Variants in EP300 observed in about 807,000 individuals in gnomAD.
EP300 encodes the protein EP300 lysine acetyltransferase.
A neutral mutation model predicts 264.0 loss-of-function variants in EP300; 31 were observed. That is an observed-to-expected ratio of 0.12 (90% CI 0.09 to 0.16). The LOEUF (loss-of-function observed/expected upper bound fraction) is 0.16. Ranked by LOEUF, EP300 falls within the 10% of genes least tolerant of loss-of-function variation. The probability of loss-of-function intolerance (pLI) is 1.00; values close to 1 mark genes in which losing one functional copy is unlikely to be tolerated. For missense variants in EP300, 2,766 were observed against 3,052.9 expected (o/e 0.91, Z 2.21); for synonymous variants, 1,340 against 1,045.4 (o/e 1.28, Z -5.44).
chr22:41,164,025 A>C (rs758922917), intron 21 of EP300, 28 bp from the exon 22 acceptor site: 1 of 1,609,582 alleles, frequency 6.2e-7, no homozygotes, highest in Non-Finnish European at 8.5e-7. Flanking sequence ...GTTTGGGGTT[A>C]ATTTTGGAAT....
chr22:41,159,736 G>C (rs538674839), intron 19 of EP300: 1 of 152,154 alleles, frequency 6.6e-6, no homozygotes, highest in Non-Finnish European at 1.5e-5. Context: ...GTGCAGTGGC[G>C]CAATCTTAGC....
rs369001481 is a variant in EP300 at position 41,132,356 on chromosome 22, C to T, written c.1528+723C>T. 3.6e-3 allele frequency among the ~76,000 whole-genome samples: 481 copies of T among 133,482 alleles called. 6 individuals are homozygous for T. Among genetic ancestry groups the T allele is most frequent in the Non-Finnish European group, 4.7e-3 (304 of 64,556 alleles). 87.6% of individuals were successfully genotyped at this position (133,482 alleles called of 152,430 possible). ...AGGCTGGAATGCAGTGGCACGATCTCGGCTCACTGCAACCTCTGCCTCCCG... is the reference window on the plus strand; with the variant it reads ...AGGCTGGAATGCAGTGGCACGATCTTGGCTCACTGCAACCTCTGCCTCCCG... On this transcript the variant is annotated intron_variant, in intron 6 of 30. Transcript: ENST00000263253.
In EP300 at chr22:41,177,543, C is replaced by A; in HGVS notation, c.5832C>A (p.His1944Gln). The A allele has an allele frequency of 6.2e-7, 1 of 1,614,142 alleles. No individual in the cohort carries two copies. Among genetic ancestry groups the A allele is most frequent in the Non-Finnish European group, 8.5e-7 (1 of 1,180,032 alleles). The change falls in exon 31 of 31, where the codon CAC (histidine) becomes CAA (glutamine). Residue 1944 changes from histidine to glutamine, a missense_variant. His to Gln is a conservative substitution (Grantham distance 24). Transcript: ENST00000263253. ...CGGAGACGCAGCGCCAGATGGCCCA[C>A]GTGCAAATTTTTCAAAGGCCAATCC... ...RAAETQRQMAHVQIFQRPIQH... is the reference protein window; with the variant it reads ...RAAETQRQMAQVQIFQRPIQH...
At chr22:41,159,287 G>A (rs928120841) in intron 19 of EP300, 4 of 152,214 alleles carry the variant, frequency 2.6e-5, no homozygotes, top group Non-Finnish European at 4.4e-5. Flanking sequence ...CATGGTGTTG[G>A]TTTTTGCTGA....
At chr22:41,161,758 C>T (rs932977844) in intron 20 of EP300, among the ~76,000 whole-genome samples, 19 of 152,102 alleles carry the variant, frequency 1.2e-4, no homozygotes, top group African/African-American at 1.9e-4. Flanking sequence ...CTGTTCAGGA[C>T]GTTGCACAAA....
intron 18 of EP300, 118 bp downstream of exon 18, chr22:41,157,526 T>C (rs1237982606): frequency 3.0e-5 from 39 of 1,309,758 alleles, no homozygotes; most frequent in Non-Finnish European, 3.9e-5. Context: ...TTTTTTTTTT[T>C]TTTTTTTTCC....
At position 41,167,560 on chromosome 22, in the gene EP300, TTGTGTGTGTGTGTG is replaced by T. The variant is rs71328777; in HGVS notation, c.3875-877_3875-864del. 2.6e-3 allele frequency among the ~76,000 whole-genome samples: 132 copies of T among 51,078 alleles called. 2 individuals carry two copies. Among genetic ancestry groups the T allele is most frequent in the African/African-American group, 9.2e-3 (131 of 14,244 alleles). 33.5% of individuals were successfully genotyped at this position (51,078 alleles called of 152,430 possible). A position where few individuals can be genotyped will look rare whatever the true frequency, so the allele number is the denominator to read the frequency against. ...ATAGAGATGTTCATTGTTTATATAT[TTGTGTGTGTGTGTG>T]TGTGTGTGTGTATATATATATATAT... On this transcript the variant is annotated intron_variant, in intron 23 of 30. Transcript: ENST00000263253.
rs1447287003 is a variant in EP300, at chr22:41,113,166, C to A, written c.95-4021C>A. On this transcript the variant is annotated intron_variant, in intron 1 of 30. Coordinates refer to ENST00000263253, the MANE Select transcript of EP300 (RefSeq NM_001429.4). The stretch of plus-strand genomic sequence containing the variant: ...TTTGAATCAGGATTCCACCCCCCCC[C>A]CAACTTATGCTATGGATTTGTTGGA... Among the ~76,000 whole-genome samples, 4 of 143,968 alleles carry A rather than the reference C, an allele frequency of 2.8e-5. 1 individual carries two copies. Among genetic ancestry groups the A allele is most frequent in the African/African-American group, 1.0e-4 (4 of 39,048 alleles). The allele number at this position is 143,968 out of a possible 152,430, so 94.4% of individuals were successfully genotyped here.
chr22:41,092,901 A>G lies in EP300; in HGVS notation c.-104A>G, dbSNP rs2058680958. The G allele has an allele frequency of 6.2e-6, 8 of 1,284,272 alleles. No individual in the cohort carries two copies. The highest frequency in any genetic ancestry group is 7.9e-6 in the Non-Finnish European group (7 of 881,276). 79.6% of individuals were successfully genotyped at this position (1,284,272 alleles called of 1,614,324 possible). On this transcript the variant is annotated 5_prime_UTR_variant, in exon 1 of 31. Transcript: ENST00000263253. ...CCCCCACCCCCTCGGGTGCCGTCGGAGCCCCCCAGCCCACCCCTGGGTGCG... is the reference window on the plus strand; with the variant it reads ...CCCCCACCCCCTCGGGTGCCGTCGGGGCCCCCCAGCCCACCCCTGGGTGCG...
rs759604286 is a variant in EP300, at chr22:41,147,946, G to A, written c.2241G>A (p.Pro747=). The A allele has an allele frequency of 2.6e-5, 41 of 1,597,484 alleles. No homozygotes were observed. The highest frequency in any genetic ancestry group is 2.9e-5 in the Non-Finnish European group (34 of 1,171,346). ...GQLAQPGALN[P]PMGYGPRMQQ... is the part of the protein sequence containing the mutation. ...TGGCTCAACCTGGAGCTCTCAACCC[G>A]GTTAGTTTGACGTCTTTGGTAATCT... Residue 747 remains proline, a splice_region_variant and synonymous_variant, in exon 12 of 31, where the codon CCG becomes CCA. Coordinates refer to ENST00000263253, the MANE Select transcript of EP300 (RefSeq NM_001429.4).
At chr22:41,121,251 T>C (rs1413381812) in intron 2 of EP300, among the ~76,000 whole-genome samples, 1 of 152,202 alleles carries the variant, frequency 6.6e-6, no homozygotes, top group African/African-American at 2.4e-5. Flanking sequence ...CTCTCCTTTT[T>C]AGTTTAGGTA....
rs752878915 is a variant in EP300 at position 41,147,958 on chromosome 22, G to C, written c.2241+12G>C. 1 of 1,575,512 alleles carries C rather than the reference G, an allele frequency of 6.3e-7. No homozygotes were observed. Among genetic ancestry groups the C allele is most frequent in the Non-Finnish European group, 8.7e-7 (1 of 1,154,666 alleles). On this transcript the variant is annotated intron_variant, in intron 12 of 30. Coordinates refer to ENST00000263253, the MANE Select transcript of EP300 (RefSeq NM_001429.4). ...GAGCTCTCAACCCGGTTAGTTTGACGTCTTTGGTAATCTCTTTGGCCTTTA... is the reference window on the plus strand; with the variant it reads ...GAGCTCTCAACCCGGTTAGTTTGACCTCTTTGGTAATCTCTTTGGCCTTTA...
At chr22:41,124,223 C>T (rs1188993692) in intron 2 of EP300, among the ~76,000 whole-genome samples, 2 of 152,198 alleles carry the variant, frequency 1.3e-5, no homozygotes, top group Admixed American at 6.5e-5. Context: ...CCAGCCTGGG[C>T]GACAGAGCGA....
At chr22:41,113,640 G>T (rs1021693323) in intron 1 of EP300, among the ~76,000 whole-genome samples, 1 of 151,972 alleles carries the variant, frequency 6.6e-6, no homozygotes, top group African/African-American at 2.4e-5. Context: ...TCTGTCTCCC[G>T]GGTTCATGCC....
At chr22:41,158,906 C>T (rs1478500206) in intron 19 of EP300, 1 of 219,488 alleles carries the variant, frequency 4.6e-6, no homozygotes, top group Non-Finnish European at 9.4e-6. Context: ...TGAGGCCTAT[C>T]CCTAAGTAGT....
intron 19 of EP300, chr22:41,158,902 C>T (rs1489993739): frequency 4.2e-6 from 1 of 236,366 alleles, no homozygotes; most frequent in African/African-American, 2.3e-5. Flanking sequence ...TAGATGAGGC[C>T]TATCCCTAAG....
chr22:41,167,542 T>C, intron 23 of EP300, among the ~76,000 whole-genome samples: 1 of 142,578 alleles, frequency 7.0e-6, no homozygotes, highest in East Asian at 2.0e-4. Context: ...TACATAGAGA[T>C]GTTCATTGTT....
At chr22:41,103,661 C>T (rs2058743417) in intron 1 of EP300, among the ~76,000 whole-genome samples, 1 of 152,068 alleles carries the variant, frequency 6.6e-6, no homozygotes, top group Non-Finnish European at 1.5e-5. Flanking sequence ...AGAATATACG[C>T]TGTGTGATAG....
intron 8 of EP300, among the ~76,000 whole-genome samples, chr22:41,138,364 G>A (rs191281977): frequency 3.1e-4 from 47 of 152,226 alleles, no homozygotes; most frequent in Non-Finnish European, 5.7e-4. Flanking sequence ...GGGTTTCACT[G>A]TGTTGGTCAC....
Sources: gnomAD v4.1 joint callset for allele counts (sites outside exome capture counted in the v4.1 genomes callset) on GRCh38, gnomAD v4.1.1 for gene constraint, MANE v1.5 for transcripts, NCBI Gene and HGNC (gene_info 2026-07-23, HGNC 2026-07-21) for gene names.